LINGO2: variants seen among roughly 807,000 people sequenced by gnomAD.
LINGO2 encodes leucine rich repeat and Ig domain containing 2.
Under a neutral mutation model 30.6 loss-of-function variants are expected in LINGO2, and 14 were observed. The observed-to-expected ratio is 0.46, with a 90% CI of 0.30 to 0.72. LINGO2 has a LOEUF of 0.72. LINGO2 is among the 30% of genes least tolerant of loss of function. The pLI is 0.07. For missense variants in LINGO2, 729 were observed against 751.7 expected (o/e 0.97, Z 0.35); for synonymous variants, 317 against 288.5 (o/e 1.10, Z -1.00).
the LINGO2 span, among the ~76,000 whole-genome samples, chr9:28,743,692 G>A: frequency 1.3e-5 from 2 of 151,812 alleles, no homozygotes; most frequent in Admixed American, 1.3e-4. Context: ...GCCCTCTATG[G>A]GATGAGTAGT....
chr9:28,187,185 G>A (rs1819571003), intron 4 of LINGO2, among the ~76,000 whole-genome samples: 1 of 152,074 alleles, frequency 6.6e-6, no homozygotes, highest in South Asian at 2.1e-4. Context: ...TTTCCTGATA[G>A]AAGATCAAGA....
the LINGO2 span, among the ~76,000 whole-genome samples, chr9:29,028,401 A>G: frequency 8.0e-6 from 1 of 125,234 alleles, no homozygotes; most frequent in Non-Finnish European, 1.6e-5. Context: ...CAGACACATT[A>G]TCTAAGTGGG....
the LINGO2 span, among the ~76,000 whole-genome samples, chr9:29,085,244 T>A: frequency 5.3e-5 from 6 of 113,340 alleles, no homozygotes; most frequent in African/African-American, 1.9e-4. Context: ...CTATCTTATC[T>A]AACTCAACAG....
the LINGO2 span, among the ~76,000 whole-genome samples, chr9:28,994,937 A>G: frequency 6.6e-6 from 1 of 152,208 alleles, no homozygotes; most frequent in African/African-American, 2.4e-5. Flanking sequence ...CCTAGACAGT[A>G]CCATTCAGGA....
intron 1 of LINGO2, among the ~76,000 whole-genome samples, chr9:28,664,229 A>T (rs190310323): frequency 6.6e-6 from 1 of 152,236 alleles, no homozygotes; most frequent in East Asian, 1.9e-4. Context: ...TGGCTAAGGG[A>T]ATCTAGGATG....
intron 4 of LINGO2, among the ~76,000 whole-genome samples, chr9:28,210,428 A>G (rs1587232478): frequency 6.6e-6 from 1 of 151,800 alleles, no homozygotes; most frequent in East Asian, 1.9e-4. Flanking sequence ...TAGCTGTAAG[A>G]ATAAAAAAAA....
intron 1 of LINGO2, among the ~76,000 whole-genome samples, chr9:28,527,180 T>C (rs182870841): frequency 6.6e-6 from 1 of 152,136 alleles, no homozygotes; most frequent in Non-Finnish European, 1.5e-5. Context: ...GCAAACTTGG[T>C]TCACTGGACA....
At chr9:28,734,976 T>G in the LINGO2 span, among the ~76,000 whole-genome samples, 2 of 152,218 alleles carry the variant, frequency 1.3e-5, no homozygotes, top group Non-Finnish European at 2.9e-5. Flanking sequence ...TTCTGAGTAA[T>G]ACTGCATTTT....
the LINGO2 span, among the ~76,000 whole-genome samples, chr9:28,778,597 G>C: frequency 1.1e-4 from 17 of 152,098 alleles, no homozygotes; most frequent in Non-Finnish European, 2.1e-4. Context: ...ATTTACAAAG[G>C]CCAGAGTATG....
At chr9:28,524,286 T>C (rs537530932) in intron 1 of LINGO2, among the ~76,000 whole-genome samples, 27 of 152,164 alleles carry the variant, frequency 1.8e-4, no homozygotes, top group African/African-American at 5.3e-4. Context: ...AAATGAATAA[T>C]AGAATTAAAT....
At chr9:28,698,020 G>A in the LINGO2 span, among the ~76,000 whole-genome samples, 8 of 152,034 alleles carry the variant, frequency 5.3e-5, no homozygotes, top group Non-Finnish European at 8.8e-5. Context: ...AATTGGTGAA[G>A]TTTCTATGTA....
chr9:28,698,142 G>T, the LINGO2 span, among the ~76,000 whole-genome samples: 4 of 151,942 alleles, frequency 2.6e-5, no homozygotes, highest in African/African-American at 9.7e-5. Context: ...ATTCCTGAAG[G>T]TTAAACTTCA....
the LINGO2 span, among the ~76,000 whole-genome samples, chr9:28,820,386 G>A: frequency 2.0e-5 from 3 of 152,052 alleles, no homozygotes; most frequent in Non-Finnish European, 4.4e-5. Context: ...TTAGGCTAAC[G>A]GAATACAACA....
At chr9:28,651,526 T>C (rs112410458) in intron 1 of LINGO2, among the ~76,000 whole-genome samples, 6 of 152,214 alleles carry the variant, frequency 3.9e-5, no homozygotes, top group African/African-American at 1.2e-4. Context: ...AGCCACCATG[T>C]CCATCAGAGC....
chr9:28,960,005 G>A, the LINGO2 span, among the ~76,000 whole-genome samples: 1 of 152,076 alleles, frequency 6.6e-6, no homozygotes, highest in East Asian at 1.9e-4. Flanking sequence ...AATCTTTAAT[G>A]CTGGTGTTAA....
the LINGO2 span, among the ~76,000 whole-genome samples, chr9:28,937,793 T>C: frequency 5.3e-5 from 8 of 152,124 alleles, no homozygotes; most frequent in African/African-American, 1.9e-4. Context: ...ATTTTTCTTT[T>C]TTTTTCCACT....
At chr9:27,977,306 C>G (rs1433804131) in intron 5 of LINGO2, among the ~76,000 whole-genome samples, 3 of 151,502 alleles carry the variant, frequency 2.0e-5, no homozygotes, top group Non-Finnish European at 4.4e-5. Context: ...CCCAGACAAC[C>G]AGGAAGGCTT....
the LINGO2 span, among the ~76,000 whole-genome samples, chr9:29,112,501 G>T: frequency 6.6e-6 from 1 of 152,084 alleles, no homozygotes; most frequent in Non-Finnish European, 1.5e-5. Flanking sequence ...TCCAGCTGTT[G>T]GATTTCTGGC....
At chr9:28,425,868 A>G (rs893302274) in intron 2 of LINGO2, among the ~76,000 whole-genome samples, 5 of 151,990 alleles carry the variant, frequency 3.3e-5, no homozygotes, top group African/African-American at 1.2e-4. Flanking sequence ...GAGTTTGACT[A>G]TATTTTTGTT....
Sources: allele counts gnomAD v4.1 joint callset (sites outside exome capture counted in the v4.1 genomes callset), GRCh38; gene constraint gnomAD v4.1.1; transcripts MANE v1.5; gene names NCBI Gene and HGNC (gene_info 2026-07-23, HGNC 2026-07-21).